STK25: variants seen among roughly 807,000 people sequenced by gnomAD.
STK25 encodes serine/threonine-protein kinase 25.
In STK25, 29 loss-of-function variants were observed where a neutral mutation model predicts 53.8. That is an observed-to-expected ratio of 0.54 (90% CI 0.40 to 0.74). The LOEUF is 0.74. Ranked by LOEUF, STK25 falls within the 30% of genes least tolerant of loss-of-function variation. STK25 has a pLI of 0.00. For missense variants in STK25, 420 were observed against 568.0 expected, an observed-to-expected ratio of 0.74 and a Z score of 2.65; for synonymous variants, 247 against 238.3, an observed-to-expected ratio of 1.04 and a Z score of -0.33.
chr2:241,499,187 C>T lies in STK25; in HGVS notation c.586-13G>A, dbSNP rs2065359847. The T allele has an allele frequency of 6.2e-7, 1 of 1,613,724 alleles. No individual in the cohort carries two copies. The highest frequency in any genetic ancestry group is 1.1e-5 in the South Asian group (1 of 91,080). ...ACCAGATGTCAGCCTGGACAGAACA[C>T]AAGGACTGTTGCTGCCCTGAGCACC... On this transcript the variant is annotated splice_polypyrimidine_tract_variant and intron_variant, in intron 6 of 11. Coordinates refer to ENST00000316586, the MANE Select transcript of STK25 (RefSeq NM_001271977.2).
In STK25 at chr2:241,507,883, G is replaced by A. The variant is rs1481579780; in HGVS notation, c.30+123C>T. Reference sequence around the variant, plus strand: ...CTCAGGACGGCTCCGCTGGTCGCACGACGCGCGCTCCTTCCCTCACCCCAC... The same window carrying A: ...CTCAGGACGGCTCCGCTGGTCGCACAACGCGCGCTCCTTCCCTCACCCCAC... On this transcript the variant is annotated intron_variant, in intron 2 of 11. Coordinates refer to ENST00000316586, the MANE Select transcript of STK25 (RefSeq NM_001271977.2). 4 of 1,027,280 alleles carry A rather than the reference G, an allele frequency of 3.9e-6. No homozygotes were observed. In the South Asian group the frequency reaches 4.5e-5, roughly 12 times the overall value. 63.6% of individuals were successfully genotyped at this position (1,027,280 alleles called of 1,614,324 possible).
Position 241,507,993 on chromosome 2 carries a change from G to A in STK25, c.30+13C>T. 1.3e-6 allele frequency: 2 copies of A among 1,597,312 alleles called. No individual in the cohort carries two copies. The highest frequency in any genetic ancestry group is 8.5e-7 in the Non-Finnish European group (1 of 1,172,632). On this transcript the variant is annotated intron_variant, in intron 2 of 11. Coordinates refer to ENST00000316586, the MANE Select transcript of STK25 (RefSeq NM_001271977.2). ...GAGAGGCCGCTAGTCTTCCTGACCT[G>A]CACCCTTCTCACCTGGTTGGCAAAT...
In STK25 at chr2:241,493,959, G is replaced by A; in HGVS notation, c.*1703C>T. 8.5e-7 allele frequency: 1 copy of A among 1,182,730 alleles called. No individual in the cohort carries two copies. Among genetic ancestry groups the A allele is most frequent in the Non-Finnish European group, 1.1e-6 (1 of 881,650 alleles). The allele number at this position is 1,182,730 out of a possible 1,614,324, so 73.3% of individuals were successfully genotyped here. A position where few individuals can be genotyped will look rare whatever the true frequency, so the allele number is the denominator to read the frequency against. ...TATCCTGGGTTGTTCTTGGGACAGTGTCTGAGCACAAGATGGCTCACTGGT... is the reference window on the plus strand; with the variant it reads ...TATCCTGGGTTGTTCTTGGGACAGTATCTGAGCACAAGATGGCTCACTGGT... On this transcript the variant is annotated 3_prime_UTR_variant, in exon 12 of 12. Coordinates refer to ENST00000316586, the MANE Select transcript of STK25 (RefSeq NM_001271977.2).
chr2:241,493,453 G>A lies in STK25; in HGVS notation c.*2209C>T, dbSNP rs996907027. ...AAGTACACATTTGAAAGGTAATTTT[G>A]CAGGAGGCAGCCCTGGTCAGCTGCC... On this transcript the variant is annotated 3_prime_UTR_variant, in exon 12 of 12. Coordinates refer to ENST00000316586, the MANE Select transcript of STK25 (RefSeq NM_001271977.2). 2.4e-5 allele frequency: 39 copies of A among 1,613,264 alleles called. No individual in the cohort carries two copies. The highest frequency in any genetic ancestry group is 3.3e-5 in the Non-Finnish European group (39 of 1,179,736).
intron 2 of STK25, among the ~76,000 whole-genome samples, chr2:241,505,175 C>T (rs1349897829): frequency 6.6e-6 from 1 of 151,820 alleles, no homozygotes; most frequent in Non-Finnish European, 1.5e-5. Flanking sequence ...TCTGCAGAAG[C>T]AGCCCCTCTT....
rs1010172097 is a variant in STK25, at chr2:241,495,456, G to C, written c.*206C>G. The C allele has an allele frequency of 1.2e-5, 7 of 591,406 alleles. No individual in the cohort carries two copies. The highest frequency in any genetic ancestry group is 9.3e-5 in the African/African-American group (5 of 53,754). The allele number at this position is 591,406 out of a possible 1,614,324, so 36.6% of individuals were successfully genotyped here. ...GAGGGAGGAGGGCAGTGGGCATAGAGAACAGCGTCCCTGACGTGCACAACA... is the reference window on the plus strand; with the variant it reads ...GAGGGAGGAGGGCAGTGGGCATAGACAACAGCGTCCCTGACGTGCACAACA... On this transcript the variant is annotated 3_prime_UTR_variant, in exon 12 of 12. Coordinates refer to ENST00000316586, the MANE Select transcript of STK25 (RefSeq NM_001271977.2).
chr2:241,502,640 A>C (rs2065580323), intron 2 of STK25, among the ~76,000 whole-genome samples: 1 of 152,024 alleles, frequency 6.6e-6, no homozygotes, highest in Non-Finnish European at 1.5e-5. Flanking sequence ...TTGAGAGTCC[A>C]AGACAGAAGA....
intron 2 of STK25, chr2:241,503,971 TGCCAATTA>T: frequency 4.3e-6 from 2 of 468,294 alleles, no homozygotes; most frequent in South Asian, 3.1e-5. Context: ...CGTGTGAAAC[TGCCAATTA>T]GCTGACCTCC....
Position 241,501,783 on chromosome 2 carries a change from G to C in STK25, c.31-75C>G. 2 of 1,160,068 alleles carry C rather than the reference G, an allele frequency of 1.7e-6. No individual in the cohort carries two copies. Among genetic ancestry groups the C allele is most frequent in the South Asian group, 1.3e-5 (1 of 74,248 alleles). The allele number at this position is 1,160,068 out of a possible 1,614,324, so 71.9% of individuals were successfully genotyped here. ...GCGGGGGACAGGCAGAGGCTGCCCT[G>C]CTGGGGAGGAAGGGACCTGTAGGGA... On this transcript the variant is annotated intron_variant, in intron 2 of 11. Transcript: ENST00000316586. The surrounding 1 kb of genome is among the most constrained non-coding windows in gnomAD (Gnocchi z 5.3).
intron 1 of STK25, 151 bp downstream of exon 1, chr2:241,508,292 G>A: frequency 2.4e-6 from 3 of 1,260,806 alleles, no homozygotes; most frequent in East Asian, 3.4e-5. Flanking sequence ...CCGGGGGCTC[G>A]CCGCCCCTCC....
intron 2 of STK25, among the ~76,000 whole-genome samples, chr2:241,502,796 GT>G (rs1228695682): frequency 6.6e-6 from 1 of 151,952 alleles, no homozygotes; most frequent in Non-Finnish European, 1.5e-5. Context: ...ACCTCAGTAT[GT>G]GTTAACCAAG....
At position 241,493,597 on chromosome 2, in the gene STK25, G is replaced by GTTTGT; in HGVS notation, c.*2064_*2065insACAAA. 2 of 559,588 alleles carry GTTTGT rather than the reference G, an allele frequency of 3.6e-6. No homozygotes were observed. The highest frequency in any genetic ancestry group is 2.2e-5 in the South Asian group (1 of 46,444). 34.7% of individuals were successfully genotyped at this position (559,588 alleles called of 1,614,324 possible). A position where few individuals can be genotyped will look rare whatever the true frequency, so the allele number is the denominator to read the frequency against. ...CATTTCCAAAAAACAGCAATGCTTT[G>GTTTGT]TTTTTTTTTTTTTTGGAGATGGCGT... On this transcript the variant is annotated 3_prime_UTR_variant, in exon 12 of 12. Transcript: ENST00000316586.
In STK25 at chr2:241,498,710, C is replaced by T. The variant is rs754249927; in HGVS notation, c.846G>A (p.Glu282=). 24 of 1,614,028 alleles carry T rather than the reference C, an allele frequency of 1.5e-5. No homozygotes were observed. The highest frequency in any genetic ancestry group is 1.7e-5 in the Admixed American group (1 of 60,012). The stretch of plus-strand genomic sequence containing the variant: ...TCCAGCGCTTATAGCGGTCGATGAG[C>T]TCCGTGAGGAAGGAGGTCTTCTTGG... ...RYTKKTSFLT[E]LIDRYKRWKS... is the part of the protein sequence containing the mutation. The change falls in exon 8 of 12, where the codon GAG becomes GAA. Residue 282 remains glutamate, a synonymous_variant. Coordinates refer to ENST00000316586, the MANE Select transcript of STK25 (RefSeq NM_001271977.2).
At position 241,501,827 on chromosome 2, in the gene STK25, C is replaced by T. The variant is rs1356990089; in HGVS notation, c.31-119G>A. 1.5e-5 allele frequency: 10 copies of T among 679,232 alleles called. No homozygotes were observed. Among genetic ancestry groups the T allele is most frequent in the South Asian group, 5.5e-5 (3 of 54,366 alleles). The allele number at this position is 679,232 out of a possible 1,614,324, so 42.1% of individuals were successfully genotyped here. A position where few individuals can be genotyped will look rare whatever the true frequency, so the allele number is the denominator to read the frequency against. On this transcript the variant is annotated intron_variant, in intron 2 of 11. Transcript: ENST00000316586. The surrounding 1 kb of genome is among the most constrained non-coding windows in gnomAD (Gnocchi z 5.3). The stretch of plus-strand genomic sequence containing the variant: ...GTAGGGAAGGGGGAGTCCAAGGGAG[C>T]GCACCTCAATTCTTCTCTGGTTTCT...
chr2:241,500,052 C>T (rs374479848), intron 5 of STK25, 121 bp downstream of exon 5: 1 of 809,296 alleles, frequency 1.2e-6, no homozygotes, highest in South Asian at 1.4e-5. Flanking sequence ...AGGGTGGCCA[C>T]AAGGTTCTCT....
At position 241,501,003 on chromosome 2, in the gene STK25, G is replaced by A. The variant is rs1191426223; in HGVS notation, c.262-207C>T. On this transcript the variant is annotated intron_variant, in intron 3 of 11. Transcript: ENST00000316586. The surrounding 1 kb of genome is among the most constrained non-coding windows in gnomAD (Gnocchi z 5.3). ...TACAGATGCTCAGAGGACAGGTTGA[G>A]TACACACAGCAGTGGCTGACTCCAC... 5.0e-6 allele frequency: 3 copies of A among 601,626 alleles called. No individual in the cohort carries two copies. The highest frequency in any genetic ancestry group is 8.9e-6 in the Non-Finnish European group (3 of 336,402). 37.3% of individuals were successfully genotyped at this position (601,626 alleles called of 1,614,324 possible).
chr2:241,492,796 A>T lies in STK25; in HGVS notation c.*2866T>A. On this transcript the variant is annotated 3_prime_UTR_variant, in exon 12 of 12. Coordinates refer to ENST00000316586, the MANE Select transcript of STK25 (RefSeq NM_001271977.2). ...TTAAGTACTGATAAAGCTGCTGTTCATAGCAGTCCAGAGGTAAAACCAAGG... is the reference window on the plus strand; with the variant it reads ...TTAAGTACTGATAAAGCTGCTGTTCTTAGCAGTCCAGAGGTAAAACCAAGG... 3.2e-6 allele frequency: 2 copies of T among 621,004 alleles called. No homozygotes were observed. The highest frequency in any genetic ancestry group is 6.3e-4 in the Middle Eastern group (2 of 3,174). 38.5% of individuals were successfully genotyped at this position (621,004 alleles called of 1,614,324 possible). A position where few individuals can be genotyped will look rare whatever the true frequency, so the allele number is the denominator to read the frequency against.
chr2:241,499,226 G>A (rs919488854), intron 6 of STK25, 31 bp downstream of exon 6: 4 of 1,613,810 alleles, frequency 2.5e-6, no homozygotes, highest in African/African-American at 1.3e-5. Flanking sequence ...GCCAGGCATG[G>A]TGCCCGCACC....
In STK25 at chr2:241,496,622, G is replaced by A; in HGVS notation, c.1105-88C>T. 1 of 1,459,798 alleles carries A rather than the reference G, an allele frequency of 6.9e-7. No homozygotes were observed. The highest frequency in any genetic ancestry group is 9.3e-7 in the Non-Finnish European group (1 of 1,079,850). 90.4% of individuals were successfully genotyped at this position (1,459,798 alleles called of 1,614,324 possible). On this transcript the variant is annotated intron_variant, in intron 10 of 11. Coordinates refer to ENST00000316586, the MANE Select transcript of STK25 (RefSeq NM_001271977.2). The surrounding 1 kb of genome is among the most constrained non-coding windows in gnomAD (Gnocchi z 5.8). ...TTTGCTCGGCCACAGTGATGCCGGA[G>A]GCCTTCAGGGCTCTCGCCTAGGAGC...
Sources: allele counts gnomAD v4.1 joint callset (sites outside exome capture counted in the v4.1 genomes callset), GRCh38; gene constraint gnomAD v4.1.1; non-coding constraint Gnocchi (gnomAD v3.1); transcripts MANE v1.5; gene names NCBI Gene and HGNC (gene_info 2026-07-23, HGNC 2026-07-21).